Variants in CHRDL1 observed in about 807,000 individuals in gnomAD.
CHRDL1 encodes the protein chordin like 1.
Under a neutral mutation model 40.9 loss-of-function variants are expected in CHRDL1, and 19 were observed. The observed-to-expected ratio is 0.46, with a 90% CI of 0.32 to 0.68. The LOEUF is 0.68. Among genes scored for constraint, CHRDL1 ranks in the 30% least tolerant of loss-of-function variants. CHRDL1 has a pLI of 0.03. For missense variants in CHRDL1, 329 were observed against 352.1 expected (o/e 0.93, Z 0.53); for synonymous variants, 136 against 123.4 (o/e 1.10, Z -0.68).
chrX:110,735,106 G>C (rs1036149996), intron 4 of CHRDL1, among the ~76,000 whole-genome samples: 1 of 110,931 alleles, frequency 9.0e-6, no homozygotes, highest in African/African-American at 3.3e-5. Flanking sequence ...GAAACAATGT[G>C]AGGCATCTGG....
At chrX:110,763,538 CATATAT>C (rs750708016) in intron 2 of CHRDL1, among the ~76,000 whole-genome samples, 1 of 98,312 alleles carries the variant, frequency 1.0e-5, no homozygotes, top group Non-Finnish European at 2.0e-5. Flanking sequence ...TCAATAGAAA[CATATAT>C]ATATATATAT....
intron 2 of CHRDL1, among the ~76,000 whole-genome samples, chrX:110,788,547 C>T (rs1057478869): frequency 9.0e-6 from 1 of 111,691 alleles, no homozygotes; most frequent in Non-Finnish European, 1.9e-5. Flanking sequence ...CAAGGAGAGA[C>T]GTGAAGGGTT....
chrX:110,676,357 C>T lies in CHRDL1; in HGVS notation c.1251G>A (p.Gln417=), dbSNP rs752911893. ...FKLVTRTTLS[Q]WKIFTEGEAQ... ...CTTCTCCTTCGGTGAAGATCTTCCA[C>T]TGGCCTAAAAGGCAAACAAACGCAA... Residue 417 remains glutamine, a synonymous_variant, in exon 12 of 12, where the codon CAG becomes CAA. Coordinates refer to ENST00000372042, the MANE Select transcript of CHRDL1 (RefSeq NM_001143981.2). 2 of 1,210,458 alleles carry T rather than the reference C, an allele frequency of 1.7e-6. No homozygotes were observed. Among genetic ancestry groups the T allele is most frequent in the Non-Finnish European group, 1.1e-6 (1 of 894,769 alleles).
intron 2 of CHRDL1, among the ~76,000 whole-genome samples, chrX:110,763,331 A>T (rs1389097044): frequency 9.4e-6 from 1 of 106,578 alleles, no homozygotes; most frequent in Non-Finnish European, 1.9e-5. Context: ...TTATGCCTTT[A>T]CATCCTCATA....
intron 6 of CHRDL1, among the ~76,000 whole-genome samples, chrX:110,708,628 A>C (rs1228752933): frequency 8.9e-6 from 1 of 111,932 alleles, no homozygotes; most frequent in Non-Finnish European, 1.9e-5. Flanking sequence ...TAGCAAGCCA[A>C]ATCTGAAGAA....
At chrX:110,741,986 T>G (rs1277342761) in intron 4 of CHRDL1, among the ~76,000 whole-genome samples, 2 of 112,265 alleles carry the variant, frequency 1.8e-5, no homozygotes, top group Non-Finnish European at 3.8e-5. Context: ...TACCATAGGT[T>G]GGCTCTGGGT....
intron 7 of CHRDL1, among the ~76,000 whole-genome samples, chrX:110,696,854 A>G (rs2070396002): frequency 9.0e-6 from 1 of 111,083 alleles, no homozygotes; most frequent in Admixed American, 9.6e-5. Context: ...ACTGACATAA[A>G]GGATTTTCTG....
At position 110,689,466 on chromosome X, in the gene CHRDL1, A is replaced by C. The variant is rs181179104; in HGVS notation, c.779-663T>G. On this transcript the variant is annotated intron_variant, in intron 8 of 11. Coordinates refer to ENST00000372042, the MANE Select transcript of CHRDL1 (RefSeq NM_001143981.2). ...TATATATATCTATATATCTATATAT[A>C]TCTATATATCTATATATCTATATCT... is the stretch of plus-strand genomic sequence containing the variant. 9.4e-4 allele frequency among the ~76,000 whole-genome samples: 49 copies of C among 51,946 alleles called. 2 individuals are homozygous for C. The African/African-American group carries it at 0.01, about 11-fold the overall frequency. 45.1% of individuals were successfully genotyped at this position (51,946 alleles called of 115,157 possible). A position where few individuals can be genotyped will look rare whatever the true frequency, so the allele number is the denominator to read the frequency against.
chrX:110,758,127 A>C (rs1244574280), intron 4 of CHRDL1, among the ~76,000 whole-genome samples: 1 of 106,864 alleles, frequency 9.4e-6, no homozygotes, highest in Non-Finnish European at 1.9e-5. Flanking sequence ...AAAAACAAAA[A>C]AACAAAAAAA....
At chrX:110,789,899 C>T (rs1358318945) in intron 2 of CHRDL1, among the ~76,000 whole-genome samples, 1 of 111,582 alleles carries the variant, frequency 9.0e-6, no homozygotes, top group Non-Finnish European at 1.9e-5. Context: ...AATAAGTTAA[C>T]AAGCATTTCC....
At chrX:110,700,864 G>A (rs773409055) in intron 6 of CHRDL1, 143 bp from the exon 7 acceptor site, 20 of 416,564 alleles carry the variant, frequency 4.8e-5, no homozygotes, top group South Asian at 1.1e-4. Flanking sequence ...TTCAAAAAGC[G>A]GCTGTGAAAG....
chrX:110,698,694 G>C (rs932379122), intron 7 of CHRDL1, among the ~76,000 whole-genome samples: 1 of 112,117 alleles, frequency 8.9e-6, no homozygotes, highest in African/African-American at 3.3e-5. Flanking sequence ...CAATGAAGCT[G>C]AAAGATAAGG....
chrX:110,756,492 T>C (rs1470702365), intron 4 of CHRDL1, among the ~76,000 whole-genome samples: 1 of 110,352 alleles, frequency 9.1e-6, no homozygotes, highest in Non-Finnish European at 1.9e-5. Flanking sequence ...AGTTAGGCAG[T>C]TGTAGATGAG....
chrX:110,710,679 G>A lies in CHRDL1; in HGVS notation c.541+9156C>T, dbSNP rs780227681. Among the ~76,000 whole-genome samples, 6 of 111,844 alleles carry A rather than the reference G, an allele frequency of 5.4e-5. No homozygotes were observed. In the East Asian group the frequency reaches 1.4e-3, roughly 26 times the overall value. On this transcript the variant is annotated intron_variant, in intron 6 of 11. Transcript: ENST00000372042. ...GTCCTGGGACAGTCAGCAAGTACGT[G>A]GGGATGAATTTTGAGCACAAGAGAT...
intron 1 of CHRDL1, among the ~76,000 whole-genome samples, chrX:110,793,880 T>C (rs181942777): frequency 8.9e-6 from 1 of 112,151 alleles, no homozygotes; most frequent in Admixed American, 9.4e-5. Context: ...TCATAGATTT[T>C]TTTGCCTTTC....
At chrX:110,719,994 C>T (rs993102491) in intron 5 of CHRDL1, 66 bp from the exon 6 acceptor site, 14 of 677,918 alleles carry the variant, frequency 2.1e-5, no homozygotes, top group Non-Finnish European at 3.2e-5. Context: ...TCACTTAATA[C>T]CTGAAATAGA....
chrX:110,767,709 A>T (rs73528274), intron 2 of CHRDL1, among the ~76,000 whole-genome samples: 2,722 of 111,212 alleles, frequency 0.024, 86 homozygotes, highest in African/African-American at 0.083. Context: ...AACTAAAAAC[A>T]CTGCTGAGAG....
intron 2 of CHRDL1, among the ~76,000 whole-genome samples, chrX:110,764,209 C>T (rs1200098759): frequency 8.9e-6 from 1 of 111,896 alleles, no homozygotes; most frequent in Non-Finnish European, 1.9e-5. Context: ...ACTCTGTTGA[C>T]TGTTCCTTTT....
chrX:110,759,799 G>T (rs1405823029), intron 3 of CHRDL1, 45 bp from the exon 4 acceptor site: 1 of 982,774 alleles, frequency 1.0e-6, no homozygotes, highest in Non-Finnish European at 1.5e-6. Context: ...TCTTTCAAAG[G>T]TCGCTGGGAT....
Sources: allele counts gnomAD v4.1 joint callset (sites outside exome capture counted in the v4.1 genomes callset), GRCh38; gene constraint gnomAD v4.1.1; transcripts MANE v1.5; gene names NCBI Gene and HGNC (gene_info 2026-07-23, HGNC 2026-07-21).